Variants in BUB3 observed in about 807,000 individuals in gnomAD.
BUB3 encodes the protein BUB3 mitotic checkpoint protein.
Under a neutral mutation model 39.9 loss-of-function variants are expected in BUB3, and 22 were observed. That is an observed-to-expected ratio of 0.55 (90% CI 0.39 to 0.79). BUB3 has a LOEUF of 0.79. Ranked by LOEUF, BUB3 falls within the 30% of genes least tolerant of loss-of-function variation. BUB3 has a pLI of 0.00. For synonymous variants in BUB3, 168 were observed against 155.1 expected, an observed-to-expected ratio of 1.08 and a Z score of -0.62; for missense variants, 303 against 415.4, an observed-to-expected ratio of 0.73 and a Z score of 2.35.
intron 4 of BUB3, among the ~76,000 whole-genome samples, chr10:123,158,155 A>C (rs1261713453): frequency 6.6e-6 from 1 of 152,228 alleles, no homozygotes; most frequent in Non-Finnish European, 1.5e-5. Context: ...GAAGCAACTC[A>C]CTGCCTTTTC....
intron 3 of BUB3, among the ~76,000 whole-genome samples, chr10:123,155,972 C>A (rs1239044015): frequency 6.6e-6 from 1 of 152,182 alleles, no homozygotes; most frequent in Non-Finnish European, 1.5e-5. Flanking sequence ...TAAATTGACA[C>A]TCAAGTATTT....
chr10:123,162,354 A>G lies in BUB3; in HGVS notation c.695A>G (p.Glu232Gly), dbSNP rs1451912111. The stretch of plus-strand genomic sequence containing the variant: ...CACAGACTAAAAGAAAATAATATTG[A>G]GCAGATTTACCCAGTCAATGCCATT... ...KCHRLKENNIEQIYPVNAISF... is the reference protein window; with the variant it reads ...KCHRLKENNIGQIYPVNAISF... Residue 232 changes from glutamate (E) to glycine (G), a missense_variant, in exon 6 of 8, where the codon GAG becomes GGG. Glu to Gly is a moderately conservative substitution (Grantham distance 98). Coordinates refer to ENST00000368865, the MANE Select transcript of BUB3 (RefSeq NM_004725.4). The G allele has an allele frequency of 6.2e-7, 1 of 1,614,048 alleles. No individual in the cohort carries two copies. The highest frequency in any genetic ancestry group is 8.5e-7 in the Non-Finnish European group (1 of 1,180,018).
intron 1 of BUB3, 58 bp from the exon 2 acceptor site, chr10:123,154,860 G>GTCAGTGCGCAGCC: frequency 6.5e-7 from 1 of 1,547,464 alleles, no homozygotes; most frequent in Non-Finnish European, 8.7e-7. Context: ...GTGCCAGGCT[G>GTCAGTGCGCAGCC]TCAGTGCGCA....
chr10:123,161,261 T>C (rs1376723452), intron 5 of BUB3, among the ~76,000 whole-genome samples: 10 of 152,232 alleles, frequency 6.6e-5, no homozygotes, highest in Non-Finnish European at 7.3e-5. Context: ...AGAAGGTGTC[T>C]CTGGTATCTT....
At chr10:123,156,753 G>T (rs7068599) in intron 3 of BUB3, among the ~76,000 whole-genome samples, 124 of 135,024 alleles carry the variant, frequency 9.2e-4, no homozygotes, top group African/African-American at 1.0e-3. Flanking sequence ...TTTCTTTCTT[G>T]TTTTTTTTTT....
chr10:123,156,365 T>G (rs1380982164), intron 3 of BUB3, among the ~76,000 whole-genome samples: 1 of 152,226 alleles, frequency 6.6e-6, no homozygotes, highest in African/African-American at 2.4e-5. Context: ...AACATTTGTT[T>G]GCATGTGTAT....
chr10:123,165,045 A>G lies in BUB3; in HGVS notation c.*1210A>G. ...TTTTGAAATGTATTTTCTTCATTGC[A>G]GGTCCACCTAATCATCCTGTGAAAG... On this transcript the variant is annotated 3_prime_UTR_variant, in exon 8 of 8. Coordinates refer to ENST00000368865, the MANE Select transcript of BUB3 (RefSeq NM_004725.4). The G allele has an allele frequency of 1.2e-6, 2 of 1,612,488 alleles. No homozygotes were observed. Among genetic ancestry groups the G allele is most frequent in the South Asian group, 2.2e-5 (2 of 90,990 alleles).
At chr10:123,161,382 G>C (rs979453012) in intron 5 of BUB3, among the ~76,000 whole-genome samples, 1 of 151,912 alleles carries the variant, frequency 6.6e-6, no homozygotes, top group Non-Finnish European at 1.5e-5. Flanking sequence ...TTTTTTTTTA[G>C]GAAATTGTAA....
chr10:123,162,711 G>C lies in BUB3; in HGVS notation c.854G>C (p.Ser285Thr). The C allele has an allele frequency of 6.2e-7, 1 of 1,613,548 alleles. No homozygotes were observed. Among genetic ancestry groups the C allele is most frequent in the Non-Finnish European group, 8.5e-7 (1 of 1,179,836 alleles). ...ACGAGCATCGCATCACTTGCCTTCA[G>C]TAATGATGGGACTACGCTTGCAATA... ...YPTSIASLAFSNDGTTLAIAS... is the reference protein window; with the variant it reads ...YPTSIASLAFTNDGTTLAIAS... The change falls in exon 7 of 8, where the codon AGT (serine) becomes ACT (threonine). Residue 285 changes from serine (S) to threonine (T), a missense_variant. This residue lies in a region of BUB3 where 182 missense variants were observed against 293.1 expected (regional missense o/e 0.62). Transcript: ENST00000368865.
rs968346265 is a variant in BUB3 at position 123,167,844 on chromosome 10, A to T, written c.*4009A>T. ...ATATAATGTTTTGATACATGTATAC[A>T]TTGTGAAATGATTACCACAAGGAGG... On this transcript the variant is annotated 3_prime_UTR_variant, in exon 8 of 8. Transcript: ENST00000368865. The T allele has an allele frequency of 1.3e-5, 2 of 152,216 alleles. No individual in the cohort carries two copies. The highest frequency in any genetic ancestry group is 1.3e-4 in the Admixed American group (2 of 15,288). 9.4% of individuals were successfully genotyped at this position (152,216 alleles called of 1,614,324 possible).
chr10:123,166,693 G>T lies in BUB3; in HGVS notation c.*2858G>T, dbSNP rs1457835083. The T allele has an allele frequency of 6.6e-6, 1 of 152,194 alleles. No individual in the cohort carries two copies. The highest frequency in any genetic ancestry group is 1.5e-5 in the Non-Finnish European group (1 of 68,046). 9.4% of individuals were successfully genotyped at this position (152,194 alleles called of 1,614,324 possible). ...AGGTGTGCTGCTTCCCAAGCTTCTA[G>T]ATCATCAGGAAGGGGCCGCGGACTG... On this transcript the variant is annotated 3_prime_UTR_variant, in exon 8 of 8. Coordinates refer to ENST00000368865, the MANE Select transcript of BUB3 (RefSeq NM_004725.4).
At chr10:123,162,085 A>T (rs1420976403) in intron 5 of BUB3, 151 bp from the exon 6 acceptor site, 1 of 670,508 alleles carries the variant, frequency 1.5e-6, no homozygotes, top group Admixed American at 2.5e-5. Context: ...CGTCATAACC[A>T]TGTTAGTACA....
At chr10:123,157,583 G>A (rs1844366354) in intron 3 of BUB3, 146 bp from the exon 4 acceptor site, 2 of 861,080 alleles carry the variant, frequency 2.3e-6, no homozygotes, top group Non-Finnish European at 3.4e-6. Flanking sequence ...AGATTTTTCT[G>A]TCTGTAGTAG....
chr10:123,169,301 A>T lies in BUB3; in HGVS notation c.*5466A>T, dbSNP rs1399103378. Reference sequence around the variant, plus strand: ...TATCTTGCTTCATGCACTTAATATGAAATTTTGCCCATGATTTATTTTTTA... The same window carrying T: ...TATCTTGCTTCATGCACTTAATATGTAATTTTGCCCATGATTTATTTTTTA... On this transcript the variant is annotated 3_prime_UTR_variant, in exon 8 of 8. Transcript: ENST00000368865. 6.6e-6 allele frequency: 1 copy of T among 152,252 alleles called. No homozygotes were observed. The highest frequency in any genetic ancestry group is 1.5e-5 in the Non-Finnish European group (1 of 68,040). The allele number at this position is 152,252 out of a possible 1,614,324, so 9.4% of individuals were successfully genotyped here. A position where few individuals can be genotyped will look rare whatever the true frequency, so the allele number is the denominator to read the frequency against.
intron 7 of BUB3, chr10:123,163,294 G>C (rs1039590575): frequency 6.2e-6 from 1 of 161,684 alleles, no homozygotes; most frequent in Non-Finnish European, 1.3e-5. Flanking sequence ...GCCTTGCCTG[G>C]AATTGCAAAT....
intron 4 of BUB3, among the ~76,000 whole-genome samples, chr10:123,160,016 C>CT: frequency 6.6e-6 from 1 of 152,280 alleles, no homozygotes; most frequent in South Asian, 2.1e-4. Context: ...CCATTAAGCT[C>CT]TACCTTGAAT....
chr10:123,161,831 C>T (rs1343243802), intron 5 of BUB3, among the ~76,000 whole-genome samples: 1 of 152,060 alleles, frequency 6.6e-6, no homozygotes, highest in Admixed American at 6.6e-5. Flanking sequence ...TATTGATGCC[C>T]CCAATGAAGG....
chr10:123,154,748 T>C, intron 1 of BUB3, 170 bp from the exon 2 acceptor site: 2 of 685,760 alleles, frequency 2.9e-6, no homozygotes, highest in Non-Finnish European at 4.6e-6. Flanking sequence ...GGCCGGATGA[T>C]GGGGCGAGTC....
chr10:123,161,402 G>A (rs1354154189), intron 5 of BUB3, among the ~76,000 whole-genome samples: 1 of 152,068 alleles, frequency 6.6e-6, no homozygotes, highest in African/African-American at 2.4e-5. Context: ...AGTTTCCATC[G>A]AAGATAAAGA....
Sources: gnomAD v4.1 joint callset for allele counts (sites outside exome capture counted in the v4.1 genomes callset) on GRCh38, gnomAD v4.1.1 for gene constraint, gnomAD v4.1.1 regional missense constraint, MANE v1.5 for transcripts, NCBI Gene and HGNC (gene_info 2026-07-23, HGNC 2026-07-21) for gene names.